KCNQ5: variants seen among roughly 807,000 people sequenced by gnomAD.
The protein encoded by KCNQ5 is potassium voltage-gated channel subfamily Q member 5, also known as potassium voltage-gated channel subfamily KQT member 5.
KCNQ5 carries 30 observed loss-of-function variants against 98.2 expected under a neutral mutation model. The observed-to-expected ratio is 0.31, with a 90% confidence interval of 0.23 to 0.41. KCNQ5 has a LOEUF of 0.41. KCNQ5 is among the 10% of genes least tolerant of loss of function. The pLI is 1.00. For synonymous variants in KCNQ5, 458 were observed against 449.4 expected (o/e 1.02, Z -0.24); for missense variants, 835 against 1,182.5 (o/e 0.71, Z 4.31).
At chr6:72,919,613 C>T (rs1582016837) in intron 1 of KCNQ5, among the ~76,000 whole-genome samples, 1 of 152,060 alleles carries the variant, frequency 6.6e-6, no homozygotes, top group Admixed American at 6.6e-5. Flanking sequence ...ATCTGGCTCA[C>T]AGTCTATGCT....
intron 1 of KCNQ5, among the ~76,000 whole-genome samples, chr6:72,995,940 TG>T (rs1260900906): frequency 6.6e-6 from 1 of 152,228 alleles, no homozygotes; most frequent in Non-Finnish European, 1.5e-5. Flanking sequence ...TTACGGCTTT[TG>T]TTACTTGGTC....
intron 1 of KCNQ5, among the ~76,000 whole-genome samples, chr6:72,900,290 C>G (rs1351676523): frequency 6.6e-6 from 1 of 150,716 alleles, no homozygotes; most frequent in Admixed American, 6.6e-5. Flanking sequence ...GAATTCATTC[C>G]TTCTTATGTC....
At chr6:72,941,980 G>A (rs1005296520) in intron 1 of KCNQ5, among the ~76,000 whole-genome samples, 3 of 152,136 alleles carry the variant, frequency 2.0e-5, no homozygotes, top group African/African-American at 7.2e-5. Flanking sequence ...GAAACACCAT[G>A]CCTGTGAGAG....
chr6:72,882,400 A>T (rs1778668196), intron 1 of KCNQ5, among the ~76,000 whole-genome samples: 1 of 152,194 alleles, frequency 6.6e-6, no homozygotes, highest in Non-Finnish European at 1.5e-5. Context: ...ACGGGCATCA[A>T]CTAGGAAATA....
At position 72,734,950 on chromosome 6, in the gene KCNQ5, C is replaced by A. The variant is rs142406189; in HGVS notation, c.398+112363C>A. On this transcript the variant is annotated intron_variant, in intron 1 of 13. Coordinates refer to ENST00000370398, the MANE Select transcript of KCNQ5 (RefSeq NM_019842.4). ...ATTTCACTTCAACTTCATGATAATT[C>A]TAATATCAGTCAATTAACTGTGCAC... 4.0e-3 allele frequency among the ~76,000 whole-genome samples: 615 copies of A among 152,204 alleles called. 3 individuals carry two copies. The highest frequency in any genetic ancestry group is 9.2e-3 in the South Asian group (44 of 4,808).
chr6:72,752,700 C>T (rs927550036), intron 1 of KCNQ5, among the ~76,000 whole-genome samples: 4 of 152,056 alleles, frequency 2.6e-5, no homozygotes, highest in East Asian at 1.9e-4. Context: ...GGCTAACAAA[C>T]GAGAACAGCC....
At chr6:72,843,978 G>A (rs909161038) in intron 1 of KCNQ5, among the ~76,000 whole-genome samples, 3 of 152,110 alleles carry the variant, frequency 2.0e-5, no homozygotes, top group Admixed American at 1.3e-4. Context: ...GACACAGGGA[G>A]GGGAACATCA....
At chr6:73,145,101 C>A (rs1776869208) in intron 10 of KCNQ5, among the ~76,000 whole-genome samples, 2 of 152,186 alleles carry the variant, frequency 1.3e-5, no homozygotes, top group Admixed American at 1.3e-4. Context: ...AAGACAGTGT[C>A]AGTGTCTAAT....
At position 72,639,054 on chromosome 6, in the gene KCNQ5, C is replaced by T. The variant is rs575127050; in HGVS notation, c.398+16467C>T. 5.3e-5 allele frequency among the ~76,000 whole-genome samples: 8 copies of T among 152,246 alleles called. No homozygotes were observed. In the South Asian group the frequency reaches 1.2e-3, roughly 24 times the overall value. ...TAGGTAAAGAACAAGCACAAGTAGA[C>T]ATGTGGCCTGTTTGGGCTTTGGGAA... On this transcript the variant is annotated intron_variant, in intron 1 of 13. Coordinates refer to ENST00000370398, the MANE Select transcript of KCNQ5 (RefSeq NM_019842.4).
At chr6:72,766,749 T>C (rs2154477251) in intron 1 of KCNQ5, among the ~76,000 whole-genome samples, 1 of 151,952 alleles carries the variant, frequency 6.6e-6, no homozygotes, top group Middle Eastern at 3.4e-3. Context: ...ATATGGTATG[T>C]TGGGGGCAAT....
At chr6:72,748,760 T>C (rs1256521562) in intron 1 of KCNQ5, among the ~76,000 whole-genome samples, 2 of 152,156 alleles carry the variant, frequency 1.3e-5, no homozygotes, top group African/African-American at 2.4e-5. Flanking sequence ...CCTGCCCCTG[T>C]TGGTGCTGTA....
intron 1 of KCNQ5, among the ~76,000 whole-genome samples, chr6:72,880,342 T>C (rs1778589348): frequency 6.6e-6 from 1 of 152,216 alleles, no homozygotes; most frequent in Admixed American, 6.5e-5. Flanking sequence ...CATCTAGCTA[T>C]GTCCTCACAT....
In KCNQ5 at chr6:72,773,547, C is replaced by T. The variant is rs1401213128; in HGVS notation, c.398+150960C>T. Among the ~76,000 whole-genome samples, 4 of 152,034 alleles carry T rather than the reference C, an allele frequency of 2.6e-5. No individual in the cohort carries two copies. In the South Asian group the frequency reaches 6.2e-4, roughly 24 times the overall value. On this transcript the variant is annotated intron_variant, in intron 1 of 13. Coordinates refer to ENST00000370398, the MANE Select transcript of KCNQ5 (RefSeq NM_019842.4). ...AGCAAACCACCATGGCATGTGTATA[C>T]CTGTGTAAGAAACCTACACGTTCTG... is the stretch of plus-strand genomic sequence containing the variant.
At chr6:73,184,723 T>C (rs1221513704) in intron 11 of KCNQ5, among the ~76,000 whole-genome samples, 1 of 152,198 alleles carries the variant, frequency 6.6e-6, no homozygotes, top group Non-Finnish European at 1.5e-5. Flanking sequence ...TTAGGAAAGA[T>C]TTCCTAGAGC....
At chr6:72,778,034 TC>T (rs1469129145) in intron 1 of KCNQ5, among the ~76,000 whole-genome samples, 1 of 152,084 alleles carries the variant, frequency 6.6e-6, no homozygotes, top group Admixed American at 6.6e-5. Context: ...AAGTCAAAGG[TC>T]ACGGTAAGAG....
intron 1 of KCNQ5, among the ~76,000 whole-genome samples, chr6:72,821,682 G>A (rs959533797): frequency 4.0e-5 from 6 of 151,566 alleles, no homozygotes; most frequent in East Asian, 3.9e-4. Context: ...GACATTACAA[G>A]TCTCTCAAAT....
chr6:72,821,845 G>C (rs1775765930), intron 1 of KCNQ5, among the ~76,000 whole-genome samples: 1 of 152,056 alleles, frequency 6.6e-6, no homozygotes, highest in Non-Finnish European at 1.5e-5. Context: ...GCTGCCCTCA[G>C]AGAACTCTAT....
intron 1 of KCNQ5, among the ~76,000 whole-genome samples, chr6:72,803,098 A>T (rs1488517598): frequency 2.0e-5 from 3 of 152,108 alleles, no homozygotes; most frequent in Admixed American, 2.0e-4. Flanking sequence ...TCTTGAGGCA[A>T]CCATGGAGTT....
rs560887612 is a variant in KCNQ5, at chr6:72,647,622, A to G, written c.398+25035A>G. Among the ~76,000 whole-genome samples, 4 of 152,272 alleles carry G rather than the reference A, an allele frequency of 2.6e-5. No individual in the cohort carries two copies. In the East Asian group the frequency reaches 7.7e-4, roughly 29 times the overall value. On this transcript the variant is annotated intron_variant, in intron 1 of 13. Transcript: ENST00000370398. Reference sequence around the variant, plus strand: ...TTTCTGATAGCTGTTCAGTTCACAGACACATGCATGTAATGCCCCTGACCT... The same window carrying G: ...TTTCTGATAGCTGTTCAGTTCACAGGCACATGCATGTAATGCCCCTGACCT...
Sources: allele counts gnomAD v4.1 joint callset (sites outside exome capture counted in the v4.1 genomes callset), GRCh38; gene constraint gnomAD v4.1.1; transcripts MANE v1.5; gene names NCBI Gene and HGNC (gene_info 2026-07-23, HGNC 2026-07-21).